The following PPM1E variants were observed in gnomAD, a reference collection of about 807,000 sequenced individuals.
PPM1E encodes the protein protein phosphatase, Mg2+/Mn2+ dependent 1E.
PPM1E carries 20 observed loss-of-function variants against 65.9 expected under a neutral mutation model. The ratio of observed to expected loss-of-function variants is 0.30; its 90% confidence interval spans 0.21 to 0.44. The LOEUF (loss-of-function observed/expected upper bound fraction) is 0.44. Ranked by LOEUF, PPM1E falls within the 20% of genes least tolerant of loss-of-function variation. The probability of loss-of-function intolerance (pLI) is 1.00; values close to 1 mark genes in which losing one functional copy is unlikely to be tolerated. For synonymous variants in PPM1E, 352 were observed against 374.9 expected, an observed-to-expected ratio of 0.94 and a Z score of 0.70; for missense variants, 713 against 953.1, an observed-to-expected ratio of 0.75 and a Z score of 3.32.
At chr17:58,801,202 G>A (rs771380401) in intron 1 of PPM1E, among the ~76,000 whole-genome samples, 8 of 152,028 alleles carry the variant, frequency 5.3e-5, no homozygotes, top group Non-Finnish European at 1.2e-4. Context: ...TTTTCAAATC[G>A]TATACGTTTT....
intron 1 of PPM1E, among the ~76,000 whole-genome samples, chr17:58,892,681 T>C (rs2051362615): frequency 6.6e-6 from 1 of 152,148 alleles, no homozygotes; most frequent in South Asian, 2.1e-4. Context: ...GGAGAAAATA[T>C]TTGCAAAAGA....
At chr17:58,842,803 T>A (rs551932349) in intron 1 of PPM1E, among the ~76,000 whole-genome samples, 1 of 152,114 alleles carries the variant, frequency 6.6e-6, no homozygotes, top group Admixed American at 6.5e-5. Flanking sequence ...CCAGGTGTGG[T>A]GGTGCACACC....
chr17:58,840,364 G>T (rs1276613391), intron 1 of PPM1E, among the ~76,000 whole-genome samples: 1 of 152,172 alleles, frequency 6.6e-6, no homozygotes, highest in African/African-American at 2.4e-5. Flanking sequence ...AGGCTATCTG[G>T]CATGGCCTAA....
intron 1 of PPM1E, among the ~76,000 whole-genome samples, chr17:58,881,247 G>T (rs934689368): frequency 3.9e-5 from 6 of 152,334 alleles, no homozygotes; most frequent in African/African-American, 1.4e-4. Flanking sequence ...AAATACAGAA[G>T]GCTGGGCGCA....
At chr17:58,795,696 G>A (rs757817342) in intron 1 of PPM1E, among the ~76,000 whole-genome samples, 4 of 152,124 alleles carry the variant, frequency 2.6e-5, no homozygotes, top group Non-Finnish European at 4.4e-5. Flanking sequence ...AGAGTGAGAC[G>A]CTGTTTGAAA....
chr17:58,948,342 A>G (rs75962057), intron 1 of PPM1E, among the ~76,000 whole-genome samples: 3,073 of 152,166 alleles, frequency 0.02, 61 homozygotes, highest in Non-Finnish European at 0.026. Flanking sequence ...CACTCACCCA[A>G]CATCCCCTAA....
chr17:58,853,282 G>C (rs1481002743), intron 1 of PPM1E, among the ~76,000 whole-genome samples: 4 of 152,140 alleles, frequency 2.6e-5, no homozygotes, highest in African/African-American at 9.7e-5. Flanking sequence ...GTTAATTTTA[G>C]TATATAGTAT....
chr17:58,817,876 C>T (rs1004711507), intron 1 of PPM1E, among the ~76,000 whole-genome samples: 2 of 152,062 alleles, frequency 1.3e-5, no homozygotes, highest in South Asian at 2.1e-4. Flanking sequence ...CTCAGCCTCC[C>T]GAGTAGCTGG....
intron 2 of PPM1E, among the ~76,000 whole-genome samples, chr17:58,965,297 C>A (rs2143672843): frequency 6.6e-6 from 1 of 152,124 alleles, no homozygotes; most frequent in East Asian, 1.9e-4. Flanking sequence ...CAGTGTTAAT[C>A]ACTGCTTATT....
At chr17:58,783,662 G>T (rs934722626) in intron 1 of PPM1E, among the ~76,000 whole-genome samples, 1 of 152,176 alleles carries the variant, frequency 6.6e-6, no homozygotes, top group African/African-American at 2.4e-5. Context: ...GAGCTGTCTA[G>T]AGAATAAACA....
At chr17:58,784,191 T>G (rs956205646) in intron 1 of PPM1E, among the ~76,000 whole-genome samples, 1 of 150,984 alleles carries the variant, frequency 6.6e-6, no homozygotes, top group African/African-American at 2.4e-5. Flanking sequence ...CCCAGCTAAT[T>G]TTTTGTATTT....
At chr17:58,800,532 G>A (rs994175720) in intron 1 of PPM1E, among the ~76,000 whole-genome samples, 49 of 152,114 alleles carry the variant, frequency 3.2e-4, no homozygotes, top group African/African-American at 1.1e-3. Flanking sequence ...TAATTCACCA[G>A]TAAAACTATC....
intron 1 of PPM1E, among the ~76,000 whole-genome samples, chr17:58,894,332 A>T (rs908925792): frequency 6.6e-6 from 1 of 152,148 alleles, no homozygotes; most frequent in Admixed American, 6.6e-5. Context: ...TCAAGAGGCA[A>T]ATTTAATAAA....
intron 1 of PPM1E, among the ~76,000 whole-genome samples, chr17:58,833,696 T>C (rs1241468266): frequency 6.6e-6 from 1 of 152,062 alleles, no homozygotes; most frequent in Non-Finnish European, 1.5e-5. Context: ...AACATGCGAG[T>C]GCATATGTCT....
chr17:58,766,604 TATACACAC>T (rs1030313737), intron 1 of PPM1E, among the ~76,000 whole-genome samples: 4 of 103,414 alleles, frequency 3.9e-5, no homozygotes, highest in African/African-American at 2.2e-4. Context: ...TATGTGTGTG[TATACACAC>T]ACACACACAC....
Position 58,958,236 on chromosome 17 carries a change from G to T in PPM1E, c.583+2469G>T, listed in dbSNP as rs1003860899. On this transcript the variant is annotated intron_variant, in intron 2 of 6. Coordinates refer to ENST00000308249, the MANE Select transcript of PPM1E (RefSeq NM_014906.5). ...TATTTTTTTTTTTAGAGAGAGAAAGGGTCTCCCTCTGTTACCCAGGCTGGA... is the reference window on the plus strand; with the variant it reads ...TATTTTTTTTTTTAGAGAGAGAAAGTGTCTCCCTCTGTTACCCAGGCTGGA... Among the ~76,000 whole-genome samples, 73 of 151,124 alleles carry T rather than the reference G, an allele frequency of 4.8e-4. 1 individual carries two copies. Among genetic ancestry groups the T allele is most frequent in the African/African-American group, 1.7e-3 (70 of 41,198 alleles).
intron 1 of PPM1E, among the ~76,000 whole-genome samples, chr17:58,834,521 A>G (rs1211304151): frequency 6.6e-6 from 1 of 152,174 alleles, no homozygotes; most frequent in African/African-American, 2.4e-5. Flanking sequence ...AGAGTCTTAT[A>G]GTTCAACATC....
At chr17:58,962,919 C>T (rs2030079903) in intron 2 of PPM1E, among the ~76,000 whole-genome samples, 1 of 150,976 alleles carries the variant, frequency 6.6e-6, no homozygotes, top group South Asian at 2.1e-4. Context: ...ATCTTAACAA[C>T]AAAAAAAATT....
intron 1 of PPM1E, among the ~76,000 whole-genome samples, chr17:58,884,418 T>C (rs2051242049): frequency 6.6e-6 from 1 of 152,224 alleles, no homozygotes; most frequent in South Asian, 2.1e-4. Flanking sequence ...CTAAGTCAGT[T>C]ACCACTCTGT....
Sources: gnomAD v4.1 joint callset for allele counts (sites outside exome capture counted in the v4.1 genomes callset) on GRCh38, gnomAD v4.1.1 for gene constraint, MANE v1.5 for transcripts, NCBI Gene and HGNC (gene_info 2026-07-23, HGNC 2026-07-21) for gene names.